The following ARHGEF28 variants were observed in gnomAD, a reference collection of about 807,000 sequenced individuals.
The protein encoded by ARHGEF28 is 190 kDa guanine nucleotide exchange factor.
In ARHGEF28, 152 loss-of-function variants were observed where a neutral mutation model predicts 206.6. The ratio of observed to expected loss-of-function variants is 0.74; its 90% CI spans 0.64 to 0.84. The LOEUF is 0.84. Ranked by LOEUF, ARHGEF28 falls within the 40% of genes least tolerant of loss-of-function variation. The probability of loss-of-function intolerance (pLI) is 0.00; values close to 1 mark genes in which losing one functional copy is unlikely to be tolerated. For missense variants in ARHGEF28, 2,028 were observed against 2,073.2 expected, an observed-to-expected ratio of 0.98 and a Z score of 0.42; for synonymous variants, 763 against 776.4, an observed-to-expected ratio of 0.98 and a Z score of 0.29.
At chr5:73,779,261 G>A (rs1193065683) in intron 6 of ARHGEF28, among the ~76,000 whole-genome samples, 1 of 152,114 alleles carries the variant, frequency 6.6e-6, no homozygotes, top group Non-Finnish European at 1.5e-5. Flanking sequence ...TTAAATAATA[G>A]GCAAACTCGT....
At chr5:73,628,344 C>G (rs1034279108) in intron 1 of ARHGEF28, among the ~76,000 whole-genome samples, 17 of 152,128 alleles carry the variant, frequency 1.1e-4, no homozygotes, top group Admixed American at 1.1e-3. Flanking sequence ...TACCCAAGCT[C>G]CAACAAGTCC....
At chr5:73,745,301 T>C (rs1269764936) in intron 2 of ARHGEF28, among the ~76,000 whole-genome samples, 1 of 151,998 alleles carries the variant, frequency 6.6e-6, no homozygotes, top group Non-Finnish European at 1.5e-5. Flanking sequence ...TTACTCAAGG[T>C]ATTAGAGACA....
chr5:73,814,049 G>C (rs555849114), intron 9 of ARHGEF28, among the ~76,000 whole-genome samples: 31 of 152,158 alleles, frequency 2.0e-4, no homozygotes, highest in African/African-American at 7.5e-4. Context: ...GATTTGCAGA[G>C]AATACGCATG....
intron 1 of ARHGEF28, among the ~76,000 whole-genome samples, chr5:73,654,137 A>G (rs936609490): frequency 4.6e-5 from 7 of 152,176 alleles, no homozygotes; most frequent in African/African-American, 1.7e-4. Context: ...CCCTGGCTGC[A>G]CTGGGGCAGG....
intron 9 of ARHGEF28, chr5:73,803,492 CA>C (rs1755259794): frequency 6.4e-6 from 1 of 155,976 alleles, no homozygotes; most frequent in South Asian, 2.1e-4. Flanking sequence ...TGTATGGGAC[CA>C]AGTTTCTTGT....
rs113018368 is a variant in ARHGEF28 at position 73,780,659 on chromosome 5, T to C, written c.841-17T>C. 1.8e-5 allele frequency: 27 copies of C among 1,539,508 alleles called. No homozygotes were observed. The highest frequency in any genetic ancestry group is 1.4e-4 in the Admixed American group (7 of 49,036). ...TTTCTGTGCTTTTTTGTTTTTTTTT[T>C]CCCCATTGTTTCCTAGGCCTTTGAG... On this transcript the variant is annotated splice_polypyrimidine_tract_variant and intron_variant, in intron 6 of 35. Coordinates refer to ENST00000513042, the MANE Select transcript of ARHGEF28 (RefSeq NM_001177693.2).
At chr5:73,737,439 C>CTTCTTTTCCTTTCTT (rs1751018796) in intron 2 of ARHGEF28, among the ~76,000 whole-genome samples, 1 of 72,500 alleles carries the variant, frequency 1.4e-5, no homozygotes, top group African/African-American at 4.8e-5. Flanking sequence ...AGCCCTCTTC[C>CTTCTTTTCCTTTCTT]TTCTTTTCTT....
Position 73,932,935 on chromosome 5 carries a change from T to A in ARHGEF28, c.4949-7909T>A, listed in dbSNP as rs994958045. ...GCCATTCTCCTGCCTCAGCCTCCCG[T>A]GTAGCTGGGACTACAGGCGCGCGCC... On this transcript the variant is annotated intron_variant, in intron 35 of 35. Transcript: ENST00000513042. Among the ~76,000 whole-genome samples the A allele has an allele frequency of 2.0e-5, 3 of 147,562 alleles. No homozygotes were observed. In the South Asian group the frequency reaches 6.5e-4, roughly 32 times the overall value.
intron 35 of ARHGEF28, among the ~76,000 whole-genome samples, chr5:73,918,277 A>G (rs1036137345): frequency 2.0e-5 from 3 of 152,238 alleles, no homozygotes; most frequent in African/African-American, 7.2e-5. Flanking sequence ...CTTGCAAAGC[A>G]GCCATAGACA....
chr5:73,846,380 G>A lies in ARHGEF28; in HGVS notation c.1540G>A (p.Gly514Arg), dbSNP rs1758362727. The A allele has an allele frequency of 6.2e-7, 1 of 1,613,924 alleles. No homozygotes were observed. Among genetic ancestry groups the A allele is most frequent in the Non-Finnish European group, 8.5e-7 (1 of 1,179,850 alleles). The change falls in exon 12 of 36, where the codon GGG becomes AGG. Residue 514 changes from glycine to arginine, a missense_variant. By Grantham distance (125) the Gly-to-Arg change is moderately radical. Coordinates refer to ENST00000513042, the MANE Select transcript of ARHGEF28 (RefSeq NM_001177693.2). ...QSSSRTGIPS[G>R]DELDSFETNT... ...CTCCTCAAGAACTGGGATTCCTAGTGGGGATGAATTGGACTCTTTTGAGAC... is the reference window on the plus strand; with the variant it reads ...CTCCTCAAGAACTGGGATTCCTAGTAGGGATGAATTGGACTCTTTTGAGAC...
At chr5:73,746,351 C>G (rs188402611) in intron 2 of ARHGEF28, among the ~76,000 whole-genome samples, 1 of 151,960 alleles carries the variant, frequency 6.6e-6, no homozygotes, top group Admixed American at 6.6e-5. Context: ...AAAAAGGGTG[C>G]CAAAGATTGT....
chr5:73,926,580 C>A (rs1272207144), intron 35 of ARHGEF28, among the ~76,000 whole-genome samples: 1 of 152,210 alleles, frequency 6.6e-6, no homozygotes, highest in African/African-American at 2.4e-5. Flanking sequence ...CATTCTCTCC[C>A]CTTTGCAATG....
At chr5:73,876,798 TG>T (rs1316329669) in intron 22 of ARHGEF28, among the ~76,000 whole-genome samples, 2 of 150,886 alleles carry the variant, frequency 1.3e-5, no homozygotes, top group African/African-American at 4.9e-5. Flanking sequence ...ATAAGCTTTT[TG>T]ATGTGCTGCT....
chr5:73,777,835 C>T (rs1001162817), intron 6 of ARHGEF28, among the ~76,000 whole-genome samples: 10 of 152,094 alleles, frequency 6.6e-5, no homozygotes, highest in Non-Finnish European at 1.3e-4. Context: ...CACTTTGGCA[C>T]TTTGGGTAGC....
At chr5:73,626,793 C>T (rs1743039820) in intron 1 of ARHGEF28, among the ~76,000 whole-genome samples, 1 of 152,200 alleles carries the variant, frequency 6.6e-6, no homozygotes, top group African/African-American at 2.4e-5. Flanking sequence ...TCAGGACACA[C>T]GCACTACCAC....
At chr5:73,814,339 A>G (rs986524607) in intron 9 of ARHGEF28, among the ~76,000 whole-genome samples, 1 of 152,084 alleles carries the variant, frequency 6.6e-6, no homozygotes, top group African/African-American at 2.4e-5. Context: ...CGTGATTGAT[A>G]ATGGAATGGG....
chr5:73,689,585 G>T (rs1219614023), intron 2 of ARHGEF28, among the ~76,000 whole-genome samples: 6 of 152,152 alleles, frequency 3.9e-5, no homozygotes, highest in African/African-American at 1.4e-4. Context: ...ACTAAGATCA[G>T]AGAAGAAGCA....
chr5:73,870,026 G>A (rs999822515), intron 20 of ARHGEF28, 43 bp from the exon 21 acceptor site: 2 of 1,597,192 alleles, frequency 1.3e-6, no homozygotes, highest in Non-Finnish European at 8.5e-7. Flanking sequence ...TATTTGTGCT[G>A]CATTATTGTA....
At chr5:73,772,056 T>A (rs1464949118) in intron 4 of ARHGEF28, among the ~76,000 whole-genome samples, 1 of 152,214 alleles carries the variant, frequency 6.6e-6, no homozygotes, top group Non-Finnish European at 1.5e-5. Context: ...ATTTACATAT[T>A]TTAAGTATAA....
Sources: allele counts gnomAD v4.1 joint callset (sites outside exome capture counted in the v4.1 genomes callset), GRCh38; gene constraint gnomAD v4.1.1; transcripts MANE v1.5; gene names NCBI Gene and HGNC (gene_info 2026-07-23, HGNC 2026-07-21).